Variants in RNF2 observed in about 807,000 individuals in gnomAD.
RNF2 encodes E3 ubiquitin-protein ligase RING2.
Under a neutral mutation model 37.2 loss-of-function variants are expected in RNF2, and 6 were observed. That is an observed-to-expected ratio of 0.16 (90% CI 0.09 to 0.32). The LOEUF (loss-of-function observed/expected upper bound fraction) is 0.32. Among genes scored for constraint, RNF2 ranks in the 10% least tolerant of loss-of-function variants. The pLI is 1.00. For missense variants in RNF2, 251 were observed against 404.0 expected, an observed-to-expected ratio of 0.62 and a Z score of 3.25; for synonymous variants, 133 against 132.7, an observed-to-expected ratio of 1.00 and a Z score of -0.02.
intron 1 of RNF2, among the ~76,000 whole-genome samples, chr1:185,061,823 A>G (rs1383042142): frequency 6.6e-6 from 1 of 152,232 alleles, no homozygotes; most frequent in East Asian, 1.9e-4. Context: ...AACATTTAGC[A>G]TGCTTTGATC....
chr1:185,055,307 A>AT (rs1325310015), intron 1 of RNF2, among the ~76,000 whole-genome samples: 1 of 152,134 alleles, frequency 6.6e-6, no homozygotes, highest in Admixed American at 6.5e-5. Flanking sequence ...TTTTAGCATG[A>AT]TTTTTTGAGC....
intron 1 of RNF2, among the ~76,000 whole-genome samples, chr1:185,073,677 A>G (rs1044870429): frequency 6.6e-6 from 1 of 152,244 alleles, no homozygotes; most frequent in Non-Finnish European, 1.5e-5. Context: ...TGTTACTTAC[A>G]AGGAATGCAG....
chr1:185,073,127 T>C (rs1379432633), intron 1 of RNF2, among the ~76,000 whole-genome samples: 2 of 151,688 alleles, frequency 1.3e-5, no homozygotes, highest in Non-Finnish European at 1.5e-5. Flanking sequence ...TGTTTATAGC[T>C]ACGTAGTATT....
At chr1:185,047,593 G>A (rs1650155269) in intron 1 of RNF2, among the ~76,000 whole-genome samples, 1 of 152,208 alleles carries the variant, frequency 6.6e-6, no homozygotes, top group African/African-American at 2.4e-5. Context: ...TTCAGTGACA[G>A]TTTCATTTCT....
intron 1 of RNF2, among the ~76,000 whole-genome samples, chr1:185,053,537 T>G (rs190425346): frequency 1.3e-3 from 196 of 152,168 alleles, no homozygotes; most frequent in African/African-American, 4.5e-3. Context: ...TTTATTTTTG[T>G]AGAGATCGGG....
intron 1 of RNF2, 123 bp from the exon 2 acceptor site, chr1:185,087,429 C>T: frequency 1.3e-6 from 1 of 756,110 alleles, no homozygotes; most frequent in Non-Finnish European, 2.3e-6. Context: ...AAGTCCCCAC[C>T]TCTTAATATT....
intron 1 of RNF2, among the ~76,000 whole-genome samples, chr1:185,080,330 A>AG (rs908010226): frequency 2.0e-4 from 31 of 152,356 alleles, no homozygotes; most frequent in African/African-American, 7.5e-4. Context: ...GGGGAACCAC[A>AG]GGCAGAAATG....
At position 185,098,254 on chromosome 1, in the gene RNF2, T is replaced by C. The variant is rs773247381; in HGVS notation, c.647T>C (p.Ile216Thr). ...GATAATAACAATGCAGCAATGGCAA[T>C]TGATCCAGTAATGGATGGTGCTAGT... ...ELDNNNAAMA[I>T]DPVMDGASEI... is the part of the protein sequence containing the mutation. The change falls in exon 5 of 7, where the codon ATT (isoleucine) becomes ACT (threonine). Residue 216 changes from isoleucine to threonine, a missense_variant. By Grantham distance (89) the Ile-to-Thr change is moderately conservative. This residue lies in a region of RNF2 where 94 missense variants were observed against 99.2 expected (regional missense o/e 0.95). Coordinates refer to ENST00000367510, the MANE Select transcript of RNF2 (RefSeq NM_007212.4). 3.7e-6 allele frequency: 6 copies of C among 1,614,032 alleles called. No individual in the cohort carries two copies. Among genetic ancestry groups the C allele is most frequent in the East Asian group, 2.2e-5 (1 of 44,896 alleles).
intron 1 of RNF2, among the ~76,000 whole-genome samples, chr1:185,077,657 A>G (rs1246445969): frequency 4.3e-5 from 5 of 116,812 alleles, no homozygotes; most frequent in African/African-American, 7.2e-5. Context: ...ATTTAGCTAT[A>G]TTATTGGCTG....
intron 1 of RNF2, among the ~76,000 whole-genome samples, chr1:185,051,484 G>A (rs1443063668): frequency 1.3e-5 from 2 of 152,126 alleles, no homozygotes; most frequent in Admixed American, 6.6e-5. Flanking sequence ...TACGTAAAGC[G>A]GTCTTTGTAA....
At chr1:185,079,480 A>T (rs751849393) in intron 1 of RNF2, among the ~76,000 whole-genome samples, 1 of 152,176 alleles carries the variant, frequency 6.6e-6, no homozygotes, top group Non-Finnish European at 1.5e-5. Flanking sequence ...TAACCTTTTA[A>T]AGGAAAGCAT....
At chr1:185,063,712 G>A (rs751197296) in intron 1 of RNF2, among the ~76,000 whole-genome samples, 13 of 152,214 alleles carry the variant, frequency 8.5e-5, no homozygotes, top group Non-Finnish European at 1.5e-4. Flanking sequence ...GGTCTGTGAC[G>A]TTTCTGGAGT....
chr1:185,065,427 C>G (rs1424438487), intron 1 of RNF2, among the ~76,000 whole-genome samples: 3 of 152,196 alleles, frequency 2.0e-5, no homozygotes, highest in Non-Finnish European at 4.4e-5. Flanking sequence ...TGTTGTTTTG[C>G]TCCTCACAAT....
At chr1:185,098,402 A>T in intron 5 of RNF2, 58 bp downstream of exon 5, 2 of 1,571,538 alleles carry the variant, frequency 1.3e-6, no homozygotes, top group South Asian at 2.3e-5. Context: ...TTTGGAGGTA[A>T]AAGGCAGTCT....
In RNF2 at chr1:185,087,526, T is replaced by G. The variant is rs758501126; in HGVS notation, c.-2-26T>G. On this transcript the variant is annotated intron_variant, in intron 1 of 6. Transcript: ENST00000367510. ...GCACTTCCCTTCCAAATACTAAAAT[T>G]GTTTTTCTCTCTTCTTTATTTCCAG... is the stretch of plus-strand genomic sequence containing the variant. 8.1e-6 allele frequency: 13 copies of G among 1,602,132 alleles called. No individual in the cohort carries two copies. In the Admixed American group the frequency reaches 2.0e-4, roughly 25 times the overall value.
At chr1:185,086,868 T>C (rs1401789116) in intron 1 of RNF2, among the ~76,000 whole-genome samples, 1 of 152,222 alleles carries the variant, frequency 6.6e-6, no homozygotes, top group Admixed American at 6.5e-5. Context: ...GATTTAGTTC[T>C]AAGTTCCATG....
chr1:185,047,571 A>G (rs758235816), intron 1 of RNF2, among the ~76,000 whole-genome samples: 1 of 152,262 alleles, frequency 6.6e-6, no homozygotes, highest in Non-Finnish European at 1.5e-5. Flanking sequence ...TGAATAATAT[A>G]TAACCAGATG....
At chr1:185,049,787 C>T (rs1439426793) in intron 1 of RNF2, among the ~76,000 whole-genome samples, 2 of 152,040 alleles carry the variant, frequency 1.3e-5, no homozygotes, top group Non-Finnish European at 2.9e-5. Context: ...TGTGTGCTTG[C>T]TGCTAGTACT....
rs1006485253 is a variant in RNF2, at chr1:185,053,729, A to G, written c.-3+8080A>G. Among the ~76,000 whole-genome samples, 9 of 152,164 alleles carry G rather than the reference A, an allele frequency of 5.9e-5. No individual in the cohort carries two copies. In the East Asian group the frequency reaches 9.6e-4, roughly 16 times the overall value. The stretch of plus-strand genomic sequence containing the variant: ...GATTTTAATTACTGTTGATTTCCCA[A>G]TATCCAAAACAATGTGTGGTACGTA... On this transcript the variant is annotated intron_variant, in intron 1 of 6. Coordinates refer to ENST00000367510, the MANE Select transcript of RNF2 (RefSeq NM_007212.4).
Sources: allele counts gnomAD v4.1 joint callset (sites outside exome capture counted in the v4.1 genomes callset), GRCh38; gene constraint gnomAD v4.1.1; regional missense constraint gnomAD v4.1.1; transcripts MANE v1.5; gene names NCBI Gene and HGNC (gene_info 2026-07-23, HGNC 2026-07-21).